Variants in ERC1 observed in about 807,000 individuals in gnomAD.
The protein encoded by ERC1 is ELKS/RAB6-interacting/CAST family member 1.
In ERC1, 56 loss-of-function variants were observed where a neutral mutation model predicts 132.0. That is an observed-to-expected ratio of 0.42 (90% CI 0.34 to 0.53). ERC1 has a LOEUF of 0.53. ERC1 is among the 20% of genes least tolerant of loss of function. ERC1 has a pLI of 0.03. For missense variants in ERC1, 1,202 were observed against 1,349.9 expected (o/e 0.89, Z 1.72); for synonymous variants, 478 against 476.1 (o/e 1.00, Z -0.05).
chr12:1,082,483 AAT>A (rs1491255786), intron 2 of ERC1, among the ~76,000 whole-genome samples: 5 of 108,838 alleles, frequency 4.6e-5, no homozygotes, highest in African/African-American at 1.1e-4. Flanking sequence ...GAAAAAAAAA[AAT>A]TTTTTTTTTT....
chr12:1,475,298 A>G (rs868098921), intron 18 of ERC1, among the ~76,000 whole-genome samples: 3 of 152,182 alleles, frequency 2.0e-5, no homozygotes, highest in Non-Finnish European at 4.4e-5. Context: ...ATTAATATCT[A>G]TTCCTTTATT....
chr12:1,309,131 A>G (rs547693310), intron 15 of ERC1, among the ~76,000 whole-genome samples: 4 of 152,336 alleles, frequency 2.6e-5, no homozygotes, highest in Non-Finnish European at 4.4e-5. Flanking sequence ...TTTGTTGTTT[A>G]TAAGCTACCT....
chr12:1,290,834 G>A (rs1245406408), intron 15 of ERC1, among the ~76,000 whole-genome samples: 1 of 152,094 alleles, frequency 6.6e-6, no homozygotes, highest in Non-Finnish European at 1.5e-5. Flanking sequence ...TCAGAGAATA[G>A]GTTTTTTTCT....
intron 15 of ERC1, among the ~76,000 whole-genome samples, chr12:1,323,258 GAA>G: frequency 6.7e-6 from 1 of 149,778 alleles, no homozygotes; most frequent in East Asian, 1.9e-4. Flanking sequence ...TGGTAATGGG[GAA>G]AAAAAAAGGC....
chr12:1,010,002 G>T (rs1964413524), intron 1 of ERC1, among the ~76,000 whole-genome samples: 1 of 152,134 alleles, frequency 6.6e-6, no homozygotes, highest in Non-Finnish European at 1.5e-5. Flanking sequence ...AATTCTGCTT[G>T]AATCTCTTTG....
chr12:1,301,221 C>G (rs979832087), intron 15 of ERC1, among the ~76,000 whole-genome samples: 1 of 151,946 alleles, frequency 6.6e-6, no homozygotes, highest in African/African-American at 2.4e-5. Context: ...GGATAAAAAT[C>G]TATATATTAG....
intron 17 of ERC1, among the ~76,000 whole-genome samples, chr12:1,431,592 A>G (rs952226482): frequency 1.3e-5 from 2 of 152,176 alleles, no homozygotes; most frequent in African/African-American, 2.4e-5. Context: ...CAGTTTTTAC[A>G]TAGATTTTAC....
At chr12:1,370,284 C>T (rs12303877) in intron 15 of ERC1, among the ~76,000 whole-genome samples, 63,515 of 152,076 alleles carry the variant, frequency 0.42, 14,839 homozygotes, top group African/African-American at 0.63. Context: ...CCTTTGGACA[C>T]AAACCATAAA....
intron 2 of ERC1, among the ~76,000 whole-genome samples, chr12:1,072,120 T>G (rs1388364470): frequency 8.4e-5 from 12 of 142,780 alleles, no homozygotes; most frequent in South Asian, 2.2e-4. Flanking sequence ...AACAAAAAAG[T>G]GTAAAGTCAG....
chr12:1,408,792 A>G (rs1025470155), intron 17 of ERC1, among the ~76,000 whole-genome samples: 2 of 152,226 alleles, frequency 1.3e-5, no homozygotes, highest in Non-Finnish European at 2.9e-5. Flanking sequence ...TCAACTTCTC[A>G]TCAATGCAAA....
chr12:1,277,916 G>A (rs913794404), intron 14 of ERC1, among the ~76,000 whole-genome samples: 2 of 152,186 alleles, frequency 1.3e-5, no homozygotes, highest in African/African-American at 2.4e-5. Flanking sequence ...TTGCCGTTGT[G>A]TAATCAGTTC....
chr12:1,291,773 A>C (rs543188878), intron 15 of ERC1, among the ~76,000 whole-genome samples: 2 of 152,318 alleles, frequency 1.3e-5, no homozygotes, highest in African/African-American at 4.8e-5. Flanking sequence ...TCTGTTACAG[A>C]TAAATGGTGA....
chr12:1,369,849 A>G (rs1245106168), intron 15 of ERC1, among the ~76,000 whole-genome samples: 1 of 152,204 alleles, frequency 6.6e-6, no homozygotes, highest in African/African-American at 2.4e-5. Context: ...AACTAGTGAA[A>G]CAAATCTTTA....
chr12:1,396,116 G>A (rs996206569), intron 16 of ERC1, among the ~76,000 whole-genome samples: 6 of 152,134 alleles, frequency 3.9e-5, no homozygotes, highest in African/African-American at 7.2e-5. Context: ...AACAGAAATT[G>A]TCTTTTTATC....
chr12:1,058,555 G>A (rs1973430699), intron 2 of ERC1, among the ~76,000 whole-genome samples: 1 of 152,042 alleles, frequency 6.6e-6, no homozygotes, highest in Non-Finnish European at 1.5e-5. Context: ...TGGTCTATGT[G>A]TCTGTTTTTA....
chr12:1,270,596 AAT>A (rs1457279899), intron 14 of ERC1, among the ~76,000 whole-genome samples: 1 of 151,926 alleles, frequency 6.6e-6, no homozygotes, highest in Non-Finnish European at 1.5e-5. Flanking sequence ...TCATTAAGAT[AAT>A]ATGTTTAATA....
intron 15 of ERC1, among the ~76,000 whole-genome samples, chr12:1,339,679 C>T (rs1468467351): frequency 6.6e-6 from 1 of 152,198 alleles, no homozygotes; most frequent in African/African-American, 2.4e-5. Context: ...GCCAGAGAGC[C>T]CTTGCTGGTG....
At chr12:1,246,309 A>G (rs2076156232) in intron 13 of ERC1, among the ~76,000 whole-genome samples, 4 of 152,206 alleles carry the variant, frequency 2.6e-5, no homozygotes. Flanking sequence ...GGCAGTTTTA[A>G]AAAAGAAATG....
At position 1,012,969 on chromosome 12, in the gene ERC1, A is replaced by T. The variant is rs115462715; in HGVS notation, c.-156-14779A>T. Among the ~76,000 whole-genome samples, 891 of 152,218 alleles carry T rather than the reference A, an allele frequency of 5.9e-3. 10 individuals are homozygous for T. The highest frequency in any genetic ancestry group is 0.02 in the African/African-American group (822 of 41,528). On this transcript the variant is annotated intron_variant, in intron 1 of 18. Coordinates refer to ENST00000360905, the MANE Select transcript of ERC1 (RefSeq NM_178040.4). ...GGTTTTACTATCATATTAGTTATAA[A>T]TTTTTGGATTTTTAGACATTTTTGT... is the stretch of plus-strand genomic sequence containing the variant.
Sources: allele counts gnomAD v4.1 joint callset (sites outside exome capture counted in the v4.1 genomes callset), GRCh38; gene constraint gnomAD v4.1.1; transcripts MANE v1.5; gene names NCBI Gene and HGNC (gene_info 2026-07-23, HGNC 2026-07-21).